The following MICOS13 variants were observed in gnomAD, a reference collection of about 807,000 sequenced individuals.
MICOS13 encodes the protein mitochondrial contact site and cristae organizing system subunit 13, also known as MICOS complex subunit MIC13.
Under a neutral mutation model 16.1 loss-of-function variants are expected in MICOS13, and 15 were observed. The observed-to-expected ratio is 0.93, with a 90% CI of 0.62 to 1.44. MICOS13 has a LOEUF of 1.44. MICOS13 is among the 40% of genes most tolerant of loss of function. The pLI, the probability that MICOS13 is intolerant of heterozygous loss-of-function variation, is 0.00. For synonymous variants in MICOS13, 61 were observed against 62.6 expected (o/e 0.97, Z 0.12); for missense variants, 164 against 155.0 (o/e 1.06, Z -0.31).
At chr19:5,678,782 C>T (rs2054477739) in intron 3 of MICOS13, 134 bp from the exon 4 acceptor site, 1 of 633,730 alleles carries the variant, frequency 1.6e-6, no homozygotes, top group East Asian at 3.0e-5. Context: ...CACTCTGTCT[C>T]CCAGGCTGGA....
At position 5,679,589 on chromosome 19, in the gene MICOS13, G is replaced by C; in HGVS notation, c.204C>G (p.Pro68=). The C allele has an allele frequency of 6.2e-7, 1 of 1,609,994 alleles. No individual in the cohort carries two copies. Residue 68 remains proline (P), a synonymous_variant, in exon 2 of 4, where the codon CCC becomes CCG. Transcript: ENST00000309324. The part of the protein sequence containing the change: ...YVCQQTGLQI[P]QLPAPPKIYF... ...CCTCGTTCCCGGCCCGTAGTACCTGGGGTATCTGCAGGCCTGTCTGCTGAC... is the reference window on the plus strand; with the variant it reads ...CCTCGTTCCCGGCCCGTAGTACCTGCGGTATCTGCAGGCCTGTCTGCTGAC...
Position 5,678,472 on chromosome 19 carries a change from G to C in MICOS13, c.*79C>G. Reference sequence around the variant, plus strand: ...GGCAAGGCCGGGAGCTGCCCTCGGAGTGGGGTCCCAGTCCGGAGTCTTCAG... The same window carrying C: ...GGCAAGGCCGGGAGCTGCCCTCGGACTGGGGTCCCAGTCCGGAGTCTTCAG... On this transcript the variant is annotated 3_prime_UTR_variant, in exon 4 of 4. Transcript: ENST00000309324. 7.5e-7 allele frequency: 1 copy of C among 1,333,766 alleles called. No individual in the cohort carries two copies. Among genetic ancestry groups the C allele is most frequent in the Non-Finnish European group, 1.0e-6 (1 of 961,652 alleles). 82.6% of individuals were successfully genotyped at this position (1,333,766 alleles called of 1,614,324 possible). A position where few individuals can be genotyped will look rare whatever the true frequency, so the allele number is the denominator to read the frequency against.
At chr19:5,679,500 A>G (rs930663788) in intron 2 of MICOS13, 86 bp downstream of exon 2, 3 of 1,592,612 alleles carry the variant, frequency 1.9e-6, no homozygotes, top group African/African-American at 1.3e-5. Flanking sequence ...CAGCATCAAT[A>G]TGGAGGACAA....
rs370674677 is a variant in MICOS13, at chr19:5,678,534, C to T, written c.*17G>A. 3.7e-5 allele frequency: 57 copies of T among 1,545,088 alleles called. No individual in the cohort carries two copies. The African/African-American group carries it at 3.8e-4, about 10-fold the overall frequency. ...CCCTGCCCGTTCTGGCCGGGGCAGG[C>T]GGCCCCTGCTGACTCGCTACTTGGT... is the stretch of plus-strand genomic sequence containing the variant. On this transcript the variant is annotated 3_prime_UTR_variant, in exon 4 of 4. Transcript: ENST00000309324.
At chr19:5,680,171 C>T (rs1165632810) in intron 1 of MICOS13, 1 of 1,536,504 alleles carries the variant, frequency 6.5e-7, no homozygotes, top group African/African-American at 1.4e-5. Context: ...GCAGGATTCA[C>T]CGGCATTCCC....
intron 1 of MICOS13, 111 bp downstream of exon 1, chr19:5,680,347 G>A (rs764439871): frequency 1.9e-6 from 3 of 1,604,724 alleles, no homozygotes; most frequent in Non-Finnish European, 2.6e-6. Context: ...GAACGAAGGG[G>A]AAGTGACTCT....
rs1164115851 is a variant in MICOS13 at position 5,678,810 on chromosome 19, C to T, written c.260-162G>A. On this transcript the variant is annotated intron_variant, in intron 3 of 3. Coordinates refer to ENST00000309324, the MANE Select transcript of MICOS13 (RefSeq NM_205767.3). Reference sequence around the variant, plus strand: ...AGGCTGGAGTGCAGTAGTGCAATCTCGGCTCACTGCAACCTTCGCCTCCTG... The same window carrying T: ...AGGCTGGAGTGCAGTAGTGCAATCTTGGCTCACTGCAACCTTCGCCTCCTG... 4.7e-5 allele frequency: 27 copies of T among 579,232 alleles called. No individual in the cohort carries two copies. The South Asian group carries it at 5.2e-4, about 11-fold the overall frequency. 35.9% of individuals were successfully genotyped at this position (579,232 alleles called of 1,614,324 possible). A position where few individuals can be genotyped will look rare whatever the true frequency, so the allele number is the denominator to read the frequency against.
Position 5,679,637 on chromosome 19 carries a change from CA to C in MICOS13, c.155del (p.Met52SerfsTer38), listed in dbSNP as rs942192551. On this transcript the variant is annotated frameshift_variant, in exon 2 of 4. Coordinates refer to ENST00000309324, the MANE Select transcript of MICOS13 (RefSeq NM_205767.3). LOFTEE classifies it high-confidence loss of function. ...QKAGEVVPPA[M>X]YQFSQYVCQQ... ...GACACACGTACTGGCTGAACTGGTACATGGCGGGGGGGACCACCTCCCCAGC... is the reference window on the plus strand; with the variant it reads ...GACACACGTACTGGCTGAACTGGTACTGGCGGGGGGGACCACCTCCCCAGC... 1.2e-6 allele frequency: 2 copies of C among 1,611,052 alleles called. No homozygotes were observed. Among genetic ancestry groups the C allele is most frequent in the African/African-American group, 2.7e-5 (2 of 74,938 alleles).
Position 5,678,594 on chromosome 19 carries a change from T to A in MICOS13, c.314A>T (p.Tyr105Phe). The A allele has an allele frequency of 1.9e-6, 3 of 1,548,682 alleles. No individual in the cohort carries two copies. The highest frequency in any genetic ancestry group is 1.7e-6 in the Non-Finnish European group (2 of 1,146,166). Residue 105 changes from tyrosine (Y) to phenylalanine (F), a missense_variant, in exon 4 of 4, where the codon TAC (tyrosine) becomes TTC (phenylalanine). Tyr to Phe is a conservative substitution (Grantham distance 22). Transcript: ENST00000309324. Reference sequence around the variant, plus strand: ...CACATACTCCCAGCCCTCCTTGGAGTACTCGCGGGCCTTGGAGGGGGCCAC... The same window carrying A: ...CACATACTCCCAGCCCTCCTTGGAGAACTCGCGGGCCTTGGAGGGGGCCAC... ...LSVAPSKARE[Y>F]SKEGWEYVKA...
rs745713933 is a variant in MICOS13 at position 5,680,515 on chromosome 19, T to A, written c.-29A>T. On this transcript the variant is annotated 5_prime_UTR_variant, in exon 1 of 4. Transcript: ENST00000309324. The stretch of plus-strand genomic sequence containing the variant: ...CGCTCGGATCCACGCGCAAGGACAC[T>A]CGGCTCGCCCGCCGCTTCCTGTCGC... 3.8e-6 allele frequency: 6 copies of A among 1,592,210 alleles called. No homozygotes were observed. Among genetic ancestry groups the A allele is most frequent in the Admixed American group, 1.9e-5 (1 of 52,056 alleles).
intron 1 of MICOS13, 157 bp downstream of exon 1, chr19:5,680,300 CT>C (rs760496582): frequency 1.2e-6 from 2 of 1,610,128 alleles, no homozygotes; most frequent in Non-Finnish European, 8.5e-7. Context: ...CCCCGCCCCT[CT>C]GAAGCCTCAG....
At chr19:5,679,302 G>A (rs752041247) in intron 3 of MICOS13, 43 bp downstream of exon 3, 1 of 1,573,442 alleles carries the variant, frequency 6.4e-7, no homozygotes, top group South Asian at 1.1e-5. Context: ...AGAGGGGCTA[G>A]ACTGGGGTGT....
intron 1 of MICOS13, chr19:5,680,099 C>G (rs1337739491): frequency 6.5e-7 from 1 of 1,535,414 alleles, no homozygotes; most frequent in Non-Finnish European, 8.7e-7. Flanking sequence ...TGTCCCTGGG[C>G]GCCTCCTGCC....
chr19:5,679,738 C>T lies in MICOS13; in HGVS notation c.55G>A (p.Gly19Arg). The T allele has an allele frequency of 1.2e-6, 2 of 1,608,034 alleles. No homozygotes were observed. Among genetic ancestry groups the T allele is most frequent in the Non-Finnish European group, 1.7e-6 (2 of 1,178,734 alleles). The change falls in exon 2 of 4, where the codon GGG (glycine) becomes AGG (arginine). Residue 19 changes from glycine (G) to arginine (R), a missense_variant. Coordinates refer to ENST00000309324, the MANE Select transcript of MICOS13 (RefSeq NM_205767.3). ...TCGTACACCAGGTAGACGGCGCCCC[C>T]AGCCACACTTCCCTTGATGAGGAAC... ...MRFLIKGSVA[G>R]GAVYLVYDQE...
At chr19:5,680,411 A>C in intron 1 of MICOS13, 47 bp downstream of exon 1, 5 of 1,612,458 alleles carry the variant, frequency 3.1e-6, no homozygotes, top group Non-Finnish European at 4.2e-6. Context: ...TGCCCACAAA[A>C]ATGGACTTTT....
At position 5,680,465 on chromosome 19, in the gene MICOS13, G is replaced by T. The variant is rs757092651; in HGVS notation, c.22C>A (p.Leu8Met). The T allele has an allele frequency of 8.1e-6, 13 of 1,611,826 alleles. No homozygotes were observed. The South Asian group carries it at 1.3e-4, about 16-fold the overall frequency. The change falls in exon 1 of 4, where the codon CTG becomes ATG. Residue 8 changes from leucine (L) to methionine (M), a missense_variant. By Grantham distance (15) the Leu-to-Met change is conservative. Transcript: ENST00000309324. Reference sequence around the variant, plus strand: ...TCCGGCGCCCCCACGCACCTCATCAGCGACCACACCCGGGCCACCATGGTC... The same window carrying T: ...TCCGGCGCCCCCACGCACCTCATCATCGACCACACCCGGGCCACCATGGTC... MVARVWS[L>M]MRFLIKGSVA...
At position 5,679,742 on chromosome 19, in the gene MICOS13, C is replaced by G; in HGVS notation, c.51G>C (p.Val17=). Residue 17 remains valine, a synonymous_variant, in exon 2 of 4, where the codon GTG becomes GTC. Transcript: ENST00000309324. The part of the protein sequence containing the change: ...SLMRFLIKGS[V]AGGAVYLVYD... ...ACACCAGGTAGACGGCGCCCCCAGCCACACTTCCCTTGATGAGGAACCTGC... is the reference window on the plus strand; with the variant it reads ...ACACCAGGTAGACGGCGCCCCCAGCGACACTTCCCTTGATGAGGAACCTGC... The G allele has an allele frequency of 6.2e-7, 1 of 1,607,504 alleles. No homozygotes were observed. The highest frequency in any genetic ancestry group is 8.5e-7 in the Non-Finnish European group (1 of 1,178,542).
At position 5,679,487 on chromosome 19, in the gene MICOS13, G is replaced by A. The variant is rs117550660; in HGVS notation, c.208-91C>T. ...GGGAGGAGGACAGGCCGGAGAATCA[G>A]GTCAGCATCAATATGGAGGACAACA... On this transcript the variant is annotated intron_variant, in intron 2 of 3. Coordinates refer to ENST00000309324, the MANE Select transcript of MICOS13 (RefSeq NM_205767.3). 2.8e-3 allele frequency: 4,382 copies of A among 1,592,436 alleles called. 24 individuals are homozygous for A. Among genetic ancestry groups the A allele is most frequent in the Non-Finnish European group, 3.2e-3 (3,780 of 1,163,694 alleles).
intron 3 of MICOS13, chr19:5,679,069 G>A (rs1186104729): frequency 6.9e-6 from 3 of 436,534 alleles, no homozygotes; most frequent in Admixed American, 3.9e-5. Context: ...GCACCACCAC[G>A]CACGGTTAAT....
Sources: gnomAD v4.1 joint callset for allele counts on GRCh38, gnomAD v4.1.1 for gene constraint, MANE v1.5 for transcripts, NCBI Gene and HGNC (gene_info 2026-07-23, HGNC 2026-07-21) for gene names.